SSPN: variants seen among roughly 807,000 people sequenced by gnomAD.
SSPN encodes the protein K-ras oncogene-associated protein.
A neutral mutation model predicts 19.1 loss-of-function variants in SSPN; 15 were observed. The ratio of observed to expected loss-of-function variants is 0.78; its 90% CI spans 0.52 to 1.21. SSPN has a LOEUF of 1.21. Ranked by LOEUF, SSPN falls within the 50% of genes most tolerant of loss-of-function variation. The probability of loss-of-function intolerance (pLI) is 0.00; values close to 1 mark genes in which losing one functional copy is unlikely to be tolerated. For synonymous variants in SSPN, 147 were observed against 140.3 expected (o/e 1.05, Z -0.34); for missense variants, 291 against 314.0 (o/e 0.93, Z 0.55).
At chr12:26,204,838 A>C (rs910079685) in intron 1 of SSPN, among the ~76,000 whole-genome samples, 1 of 152,214 alleles carries the variant, frequency 6.6e-6, no homozygotes, top group Admixed American at 6.5e-5. Flanking sequence ...GGAAGACTAA[A>C]ACATGCAGCC....
chr12:26,230,368 A>G (rs372736361), intron 2 of SSPN, among the ~76,000 whole-genome samples: 3 of 152,218 alleles, frequency 2.0e-5, no homozygotes, highest in Admixed American at 6.5e-5. Context: ...TAAGCACAAC[A>G]TGTCATCCAG....
intron 1 of SSPN, among the ~76,000 whole-genome samples, chr12:26,140,288 A>G (rs1164363713): frequency 4.6e-5 from 7 of 152,156 alleles, no homozygotes; most frequent in Admixed American, 3.9e-4. Context: ...TGACACTACC[A>G]TGTACCAGTT....
Position 26,232,301 on chromosome 12 carries a change from T to A in SSPN, c.*1225T>A. ...TATGGCCTTGACTTGGAGGGTAGTT[T>A]TAGTTGTTTTGTTTTTAAGTGACTG... On this transcript the variant is annotated 3_prime_UTR_variant, in exon 3 of 3. Transcript: ENST00000242729. 1 of 985,428 alleles carries A rather than the reference T, an allele frequency of 1.0e-6. No homozygotes were observed. The highest frequency in any genetic ancestry group is 1.2e-6 in the Non-Finnish European group (1 of 829,922). 61.0% of individuals were successfully genotyped at this position (985,428 alleles called of 1,614,324 possible). A position where few individuals can be genotyped will look rare whatever the true frequency, so the allele number is the denominator to read the frequency against.
intron 1 of SSPN, chr12:26,211,070 TAGTACCATTACACTGGGTAGATA>T (rs1255068514): frequency 2.0e-5 from 3 of 151,966 alleles, no homozygotes; most frequent in African/African-American, 7.3e-5. Flanking sequence ...GTTGAAAGAG[TAGTACCATTACACTGGGTAGATA>T]AGGAAAGAAA....
chr12:26,171,005 G>T (rs1254371632), intron 1 of SSPN, among the ~76,000 whole-genome samples: 1 of 152,186 alleles, frequency 6.6e-6, no homozygotes, highest in Admixed American at 6.5e-5. Flanking sequence ...GACTTAGAGA[G>T]ATTAAGTAAA....
exon 1 of SSPN, chr12:26,122,137 GC>G: frequency 6.5e-7 from 1 of 1,548,858 alleles, no homozygotes; most frequent in Non-Finnish European, 8.7e-7. Flanking sequence ...GGCTCGCGGG[GC>G]CCGGCGAAGG....
At chr12:26,201,033 A>ATATAT (rs1555179563) in intron 1 of SSPN, among the ~76,000 whole-genome samples, 1 of 56,986 alleles carries the variant, frequency 1.8e-5, no homozygotes, top group African/African-American at 7.3e-5. Context: ...ATATATATAT[A>ATATAT]TATATATATA....
At position 26,224,004 on chromosome 12, in the gene SSPN, T is replaced by C. The variant is rs535226860; in HGVS notation, c.280-289T>C. Among the ~76,000 whole-genome samples, 9 of 152,340 alleles carry C rather than the reference T, an allele frequency of 5.9e-5. No individual in the cohort carries two copies. In the South Asian group the frequency reaches 1.9e-3, roughly 32 times the overall value. On this transcript the variant is annotated intron_variant, in intron 1 of 2. Transcript: ENST00000242729. ...TGGCTTTCACCGGATTGTAAACTGA[T>C]GAACACTGAGTAAACTTTATTCATC...
intron 1 of SSPN, chr12:26,122,363 C>T: frequency 8.4e-7 from 1 of 1,186,884 alleles, no homozygotes; most frequent in Non-Finnish European, 1.0e-6. Context: ...GCAGCGGGAA[C>T]GGGGCGGCAG....
chr12:26,172,589 A>G (rs1388717141), intron 1 of SSPN, among the ~76,000 whole-genome samples: 1 of 152,220 alleles, frequency 6.6e-6, no homozygotes, highest in African/African-American at 2.4e-5. Context: ...CGGCATTTGC[A>G]TTGCTGTGAC....
At chr12:26,183,322 C>G (rs1944731922) in intron 1 of SSPN, among the ~76,000 whole-genome samples, 1 of 152,094 alleles carries the variant, frequency 6.6e-6, no homozygotes, top group African/African-American at 2.4e-5. Context: ...CTATTTTTCC[C>G]AGGCTGGTCT....
At chr12:26,150,303 C>T (rs1944517830) in intron 1 of SSPN, among the ~76,000 whole-genome samples, 2 of 152,184 alleles carry the variant, frequency 1.3e-5, no homozygotes, top group Non-Finnish European at 2.9e-5. Context: ...GGTATTTTGA[C>T]ACTGAGAGCA....
At chr12:26,221,194 G>A (rs186588694) in intron 1 of SSPN, among the ~76,000 whole-genome samples, 20 of 152,042 alleles carry the variant, frequency 1.3e-4, no homozygotes, top group Admixed American at 2.6e-4. Context: ...GCCTTTGCAC[G>A]TACTATTACT....
chr12:26,206,220 C>G (rs1441930518), intron 1 of SSPN, among the ~76,000 whole-genome samples: 1 of 152,138 alleles, frequency 6.6e-6, no homozygotes, highest in Non-Finnish European at 1.5e-5. Flanking sequence ...AGGCTGCAGG[C>G]TGCTTGGGGA....
chr12:26,123,266 C>T, intron 1 of SSPN: 1 of 1,407,004 alleles, frequency 7.1e-7, no homozygotes, highest in Non-Finnish European at 9.4e-7. Context: ...GGCCCTGCAT[C>T]GACTAAAGTG....
chr12:26,124,036 T>G (rs1332175302), intron 1 of SSPN: 2 of 1,382,590 alleles, frequency 1.4e-6, no homozygotes, highest in South Asian at 1.2e-5. Flanking sequence ...TAACACGCCC[T>G]TGGAGAGCAG....
chr12:26,231,135 C>T lies in SSPN; in HGVS notation c.*59C>T. 1 of 1,438,520 alleles carries T rather than the reference C, an allele frequency of 7.0e-7. No individual in the cohort carries two copies. Among genetic ancestry groups the T allele is most frequent in the Non-Finnish European group, 9.2e-7 (1 of 1,092,472 alleles). 89.1% of individuals were successfully genotyped at this position (1,438,520 alleles called of 1,614,324 possible). ...CATGGAGTAGCTGAGGTTAAACAAA[C>T]AAAAAAAAATTTTAAACAAAGAAAG... On this transcript the variant is annotated 3_prime_UTR_variant, in exon 3 of 3. Coordinates refer to ENST00000242729, the MANE Select transcript of SSPN (RefSeq NM_005086.5).
At position 26,232,798 on chromosome 12, in the gene SSPN, C is replaced by A; in HGVS notation, c.*1722C>A. On this transcript the variant is annotated 3_prime_UTR_variant, in exon 3 of 3. Coordinates refer to ENST00000242729, the MANE Select transcript of SSPN (RefSeq NM_005086.5). Reference sequence around the variant, plus strand: ...TTGCTTTAAAAATGGCCTTCCTACACATTAGCTCCAGCTAAAAAGACACAT... The same window carrying A: ...TTGCTTTAAAAATGGCCTTCCTACAAATTAGCTCCAGCTAAAAAGACACAT... 1 of 801,552 alleles carries A rather than the reference C, an allele frequency of 1.2e-6. No individual in the cohort carries two copies. The highest frequency in any genetic ancestry group is 1.5e-6 in the Non-Finnish European group (1 of 661,756). 49.7% of individuals were successfully genotyped at this position (801,552 alleles called of 1,614,324 possible). A position where few individuals can be genotyped will look rare whatever the true frequency, so the allele number is the denominator to read the frequency against.
chr12:26,216,735 T>A (rs1256274897), intron 1 of SSPN, among the ~76,000 whole-genome samples: 1 of 122,852 alleles, frequency 8.1e-6, no homozygotes, highest in East Asian at 2.3e-4. Flanking sequence ...TTAATCCATC[T>A]TGAATTGATT....
Sources: gnomAD v4.1 joint callset for allele counts (sites outside exome capture counted in the v4.1 genomes callset) on GRCh38, gnomAD v4.1.1 for gene constraint, MANE v1.5 for transcripts, NCBI Gene and HGNC (gene_info 2026-07-23, HGNC 2026-07-21) for gene names.